Variants in PCDH7 observed in about 807,000 individuals in gnomAD.
PCDH7 encodes the protein protocadherin-7.
PCDH7 carries 17 observed loss-of-function variants against 58.9 expected under a neutral mutation model. The ratio of observed to expected loss-of-function variants is 0.29; its 90% CI spans 0.20 to 0.43. The LOEUF (loss-of-function observed/expected upper bound fraction) is 0.43. Ranked by LOEUF, PCDH7 falls within the 20% of genes least tolerant of loss-of-function variation. The probability of loss-of-function intolerance (pLI) is 1.00; values close to 1 mark genes in which losing one functional copy is unlikely to be tolerated. For synonymous variants in PCDH7, 664 were observed against 616.4 expected, an observed-to-expected ratio of 1.08 and a Z score of -1.14; for missense variants, 1,274 against 1,441.0, an observed-to-expected ratio of 0.88 and a Z score of 1.88.
intron 2 of PCDH7, among the ~76,000 whole-genome samples, chr4:30,921,487 T>C (rs904006843): frequency 1.3e-4 from 20 of 152,126 alleles, no homozygotes; most frequent in Admixed American, 8.5e-4. Flanking sequence ...TATTAGAATA[T>C]AATATATTAT....
intron 1 of PCDH7, among the ~76,000 whole-genome samples, chr4:30,745,063 T>G (rs955797470): frequency 2.6e-5 from 4 of 152,144 alleles, no homozygotes; most frequent in African/African-American, 9.7e-5. Context: ...GGACAGATGC[T>G]GTGAAGCGAT....
intron 1 of PCDH7, among the ~76,000 whole-genome samples, chr4:30,822,059 T>G (rs1467329643): frequency 1.3e-5 from 2 of 152,006 alleles, no homozygotes; most frequent in Admixed American, 1.3e-4. Context: ...GTATCTCAGA[T>G]ATTGGGTGAT....
intron 1 of PCDH7, among the ~76,000 whole-genome samples, chr4:30,741,599 G>A (rs1398811478): frequency 6.6e-6 from 1 of 152,146 alleles, no homozygotes; most frequent in Non-Finnish European, 1.5e-5. Flanking sequence ...AGGTCCCAAT[G>A]CCCAACATAT....
rs545813090 is a variant in PCDH7, at chr4:30,846,265, G to A, written c.71-73888G>A. 1.1e-3 allele frequency among the ~76,000 whole-genome samples: 162 copies of A among 152,108 alleles called. 3 individuals carry two copies. The highest frequency in any genetic ancestry group is 5.1e-4 in the Non-Finnish European group (35 of 67,998). ...CTTTAAGAGGTGATTAGGTCATGAG[G>A]GCATTGCCCTCATGAATGGATTCAT... On this transcript the variant is annotated intron_variant, in intron 1 of 3. Transcript: ENST00000509759.
At chr4:31,044,359 T>A (rs919578445) in intron 3 of PCDH7, among the ~76,000 whole-genome samples, 5 of 152,112 alleles carry the variant, frequency 3.3e-5, no homozygotes, top group Non-Finnish European at 2.9e-5. Context: ...TTTTCATTTA[T>A]ATAGTGTAAA....
At chr4:30,789,025 C>T (rs1408570458) in intron 1 of PCDH7, among the ~76,000 whole-genome samples, 2 of 152,032 alleles carry the variant, frequency 1.3e-5, no homozygotes, top group South Asian at 2.1e-4. Context: ...TGACCTCAAG[C>T]GCAAGACCAA....
chr4:30,870,479 A>G (rs985392818), intron 1 of PCDH7, among the ~76,000 whole-genome samples: 1 of 152,140 alleles, frequency 6.6e-6, no homozygotes, highest in Non-Finnish European at 1.5e-5. Context: ...ATTTTTAAAA[A>G]GAAGTTTAAA....
At chr4:30,807,908 G>A (rs1190378791) in intron 1 of PCDH7, among the ~76,000 whole-genome samples, 1 of 152,178 alleles carries the variant, frequency 6.6e-6, no homozygotes, top group African/African-American at 2.4e-5. Context: ...TGATACATGA[G>A]AGGTGTCCAC....
chr4:31,112,631 T>C (rs564309876), intron 3 of PCDH7, among the ~76,000 whole-genome samples: 11 of 152,142 alleles, frequency 7.2e-5, no homozygotes, highest in Middle Eastern at 3.2e-3. Flanking sequence ...TTACAGTATT[T>C]AAAATAAATT....
chr4:30,744,068 C>T (rs1195397255), intron 1 of PCDH7, among the ~76,000 whole-genome samples: 1 of 152,124 alleles, frequency 6.6e-6, no homozygotes, highest in Non-Finnish European at 1.5e-5. Context: ...TGAGGTGTTG[C>T]TCTTTTCTTT....
intron 1 of PCDH7, among the ~76,000 whole-genome samples, chr4:30,912,513 A>G (rs1741915493): frequency 6.6e-6 from 1 of 152,184 alleles, no homozygotes; most frequent in Non-Finnish European, 1.5e-5. Flanking sequence ...AATTGGAAAA[A>G]ATAAAAAAGC....
intron 1 of PCDH7, among the ~76,000 whole-genome samples, chr4:30,849,198 G>T (rs969677882): frequency 1.3e-5 from 2 of 152,088 alleles, no homozygotes; most frequent in South Asian, 4.1e-4. Flanking sequence ...TGGCCTTTTG[G>T]TAGTCATGGG....
chr4:31,009,275 C>T lies in PCDH7; in HGVS notation c.*7+59060C>T, dbSNP rs570478657. Among the ~76,000 whole-genome samples, 3 of 152,112 alleles carry T rather than the reference C, an allele frequency of 2.0e-5. No homozygotes were observed. The South Asian group carries it at 6.2e-4, about 32-fold the overall frequency. On this transcript the variant is annotated intron_variant, in intron 3 of 3. Coordinates refer to the PCDH7 transcript ENST00000509759. ...ATTTCTTTTAGGTTGTTTCCACTTGCTTCCACTTTTTGGCATTGGAAAAAT... is the reference window on the plus strand; with the variant it reads ...ATTTCTTTTAGGTTGTTTCCACTTGTTTCCACTTTTTGGCATTGGAAAAAT...
chr4:30,901,747 A>G (rs970952833), intron 1 of PCDH7, among the ~76,000 whole-genome samples: 1 of 152,190 alleles, frequency 6.6e-6, no homozygotes, highest in Admixed American at 6.5e-5. Context: ...AAAAACTCTT[A>G]TCAGAAGTGG....
chr4:31,020,079 A>G (rs1372709091), intron 3 of PCDH7, among the ~76,000 whole-genome samples: 1 of 152,214 alleles, frequency 6.6e-6, no homozygotes, highest in Non-Finnish European at 1.5e-5. Context: ...TAAAAACTAT[A>G]CAGACCCCTA....
intron 1 of PCDH7, among the ~76,000 whole-genome samples, chr4:30,763,541 G>A (rs554949950): frequency 4.1e-4 from 63 of 152,204 alleles, no homozygotes; most frequent in Non-Finnish European, 6.5e-4. Flanking sequence ...TTACAAGTCA[G>A]TAAATCAGTG....
At chr4:30,995,193 A>G (rs902305310) in intron 3 of PCDH7, among the ~76,000 whole-genome samples, 1 of 152,164 alleles carries the variant, frequency 6.6e-6, no homozygotes, top group African/African-American at 2.4e-5. Flanking sequence ...TGGTGCTGAC[A>G]GTTTATACAA....
chr4:30,920,736 A>G (rs1270682983), intron 2 of PCDH7, among the ~76,000 whole-genome samples: 1 of 152,132 alleles, frequency 6.6e-6, no homozygotes, highest in Non-Finnish European at 1.5e-5. Flanking sequence ...TATTTCTTCA[A>G]TTGCAGCTGT....
rs552701717 is a variant in PCDH7, at chr4:30,872,189, A to G, written c.71-47964A>G. 3.9e-5 allele frequency among the ~76,000 whole-genome samples: 6 copies of G among 152,226 alleles called. No individual in the cohort carries two copies. In the East Asian group the frequency reaches 1.2e-3, roughly 30 times the overall value. ...CTTACCAATTACTGCTTATTAATAG[A>G]TTAAATATAAAACGAAGCAACTATA... On this transcript the variant is annotated intron_variant, in intron 1 of 3. Coordinates refer to the PCDH7 transcript ENST00000509759.
Sources: allele counts gnomAD v4.1 joint callset (sites outside exome capture counted in the v4.1 genomes callset), GRCh38; gene constraint gnomAD v4.1.1; transcripts MANE v1.5; gene names NCBI Gene and HGNC (gene_info 2026-07-23, HGNC 2026-07-21).